BACH2: variants seen among roughly 807,000 people sequenced by gnomAD.
The protein encoded by BACH2 is BACH transcriptional regulator 2.
Under a neutral mutation model 61.8 loss-of-function variants are expected in BACH2, and 5 were observed. The observed-to-expected ratio is 0.08, with a 90% confidence interval of 0.04 to 0.17. BACH2 has a LOEUF of 0.17. Ranked by LOEUF, BACH2 falls within the 10% of genes least tolerant of loss-of-function variation. The pLI, the probability that BACH2 is intolerant of heterozygous loss-of-function variation, is 1.00. For synonymous variants in BACH2, 446 were observed against 440.1 expected (o/e 1.01, Z -0.17); for missense variants, 824 against 1,091.1 (o/e 0.76, Z 3.45).
chr6:90,295,755 T>G (rs1772336536), intron 1 of BACH2, among the ~76,000 whole-genome samples: 1 of 152,000 alleles, frequency 6.6e-6, no homozygotes, highest in Admixed American at 6.5e-5. Context: ...CCTGGCGCCC[T>G]TAGGTCTTAG....
intron 6 of BACH2, among the ~76,000 whole-genome samples, chr6:90,002,707 T>G (rs1419702387): frequency 1.3e-5 from 2 of 151,968 alleles, no homozygotes; most frequent in Non-Finnish European, 2.9e-5. Context: ...GAGGTGGAGG[T>G]GGCAGCGAGC....
Position 90,061,533 on chromosome 6 carries a change from G to T in BACH2, c.-13+27428C>A, listed in dbSNP as rs531071093. Among the ~76,000 whole-genome samples the T allele has an allele frequency of 1.4e-4, 22 of 152,260 alleles. 1 individual carries two copies. Among genetic ancestry groups the T allele is most frequent in the African/African-American group, 5.3e-4 (22 of 41,544 alleles). On this transcript the variant is annotated intron_variant, in intron 5 of 8. Transcript: ENST00000257749. ...GTTGGGTATCTAAGTCTGATATTTA[G>T]GGGAGAGAGCTGGGCTGAAGATATA... is the stretch of plus-strand genomic sequence containing the variant.
At chr6:90,244,155 C>T (rs780801071) in intron 3 of BACH2, among the ~76,000 whole-genome samples, 1 of 152,182 alleles carries the variant, frequency 6.6e-6, no homozygotes, top group Non-Finnish European at 1.5e-5. Flanking sequence ...CTCCTGACCT[C>T]AAGCAATCCG....
intron 3 of BACH2, among the ~76,000 whole-genome samples, chr6:90,231,469 A>G (rs1204900605): frequency 4.6e-5 from 7 of 152,226 alleles, no homozygotes; most frequent in African/African-American, 1.7e-4. Flanking sequence ...CAACATTCAC[A>G]TCCTGTTACC....
At chr6:89,999,258 G>C (rs1414210530) in intron 6 of BACH2, among the ~76,000 whole-genome samples, 1 of 152,178 alleles carries the variant, frequency 6.6e-6, no homozygotes, top group Non-Finnish European at 1.5e-5. Context: ...ACAGCGAACA[G>C]GAAACCTATT....
intron 5 of BACH2, among the ~76,000 whole-genome samples, chr6:90,083,812 C>T (rs184366654): frequency 6.6e-6 from 1 of 152,246 alleles, no homozygotes; most frequent in Non-Finnish European, 1.5e-5. Context: ...AATAGGTATA[C>T]TAAAACCTCA....
rs1271831189 is a variant in BACH2, at chr6:89,954,423, A to G, written c.244-2561T>C. Among the ~76,000 whole-genome samples, 4 of 145,594 alleles carry G rather than the reference A, an allele frequency of 2.7e-5. No individual in the cohort carries two copies. The East Asian group carries it at 8.5e-4, about 31-fold the overall frequency. On this transcript the variant is annotated intron_variant, in intron 6 of 8. Coordinates refer to ENST00000257749, the MANE Select transcript of BACH2 (RefSeq NM_021813.4). ...ATTAACTAGTCATTTAGCATTAGGT[A>G]TATCTCCTAATGCTATCCCTCCCCC...
At chr6:90,005,902 G>A (rs1173753392) in intron 6 of BACH2, among the ~76,000 whole-genome samples, 2 of 152,200 alleles carry the variant, frequency 1.3e-5, no homozygotes, top group East Asian at 3.9e-4. Context: ...TACAGGGGGA[G>A]GAAGAAAGAA....
intron 4 of BACH2, among the ~76,000 whole-genome samples, chr6:90,161,913 G>A (rs747786847): frequency 3.3e-5 from 5 of 152,204 alleles, no homozygotes; most frequent in East Asian, 1.9e-4. Flanking sequence ...TAAAAGAAGC[G>A]GAACCTCTGG....
intron 1 of BACH2, among the ~76,000 whole-genome samples, chr6:90,296,270 G>T (rs1002881591): frequency 6.6e-6 from 1 of 151,792 alleles, no homozygotes; most frequent in Non-Finnish European, 1.5e-5. Flanking sequence ...CGCGGCCGCC[G>T]GCTCGGCTCC....
At chr6:90,162,775 AG>A (rs1384894143) in intron 4 of BACH2, among the ~76,000 whole-genome samples, 1 of 152,236 alleles carries the variant, frequency 6.6e-6, no homozygotes, top group Non-Finnish European at 1.5e-5. Context: ...CCAGGGGTGA[AG>A]GAACTACCCA....
chr6:89,938,554 T>C lies in BACH2; in HGVS notation c.1837-204A>G, dbSNP rs74843343. On this transcript the variant is annotated intron_variant, in intron 7 of 8. Coordinates refer to ENST00000257749, the MANE Select transcript of BACH2 (RefSeq NM_021813.4). ...TAATCAAACAGAATAAGAACACATA[T>C]ATTGCAATGTTATTGTCTCTGAGAT... Among the ~76,000 whole-genome samples, 435 of 152,326 alleles carry C rather than the reference T, an allele frequency of 2.9e-3. 1 individual carries two copies. The highest frequency in any genetic ancestry group is 9.9e-3 in the African/African-American group (413 of 41,576).
chr6:90,176,332 A>G (rs1167200668), intron 4 of BACH2, among the ~76,000 whole-genome samples: 2 of 152,158 alleles, frequency 1.3e-5, no homozygotes, highest in African/African-American at 2.4e-5. Flanking sequence ...AATTTACAGG[A>G]AACAAGAATA....
intron 1 of BACH2, among the ~76,000 whole-genome samples, chr6:90,275,078 G>T (rs574722510): frequency 1.3e-5 from 2 of 152,220 alleles, no homozygotes; most frequent in Admixed American, 6.5e-5. Context: ...AAAGGAAAAG[G>T]CTGGATTTTG....
At chr6:90,131,716 T>C (rs1483655298) in intron 4 of BACH2, among the ~76,000 whole-genome samples, 1 of 152,234 alleles carries the variant, frequency 6.6e-6, no homozygotes, top group African/African-American at 2.4e-5. Context: ...CAATCACATG[T>C]AGCGTGACTC....
At chr6:89,953,352 A>T (rs993919137) in intron 6 of BACH2, among the ~76,000 whole-genome samples, 1 of 152,206 alleles carries the variant, frequency 6.6e-6, no homozygotes, top group African/African-American at 2.4e-5. Flanking sequence ...TCTTTCCAGT[A>T]ACGGAAATTT....
chr6:89,959,099 ACAC>A (rs1774593508), intron 6 of BACH2, among the ~76,000 whole-genome samples: 1 of 13,924 alleles, frequency 7.2e-5, no homozygotes, highest in Non-Finnish European at 1.7e-4. Flanking sequence ...GCACAAGTGC[ACAC>A]ACACACACAC....
intron 2 of BACH2, among the ~76,000 whole-genome samples, chr6:90,264,506 A>T (rs1002527038): frequency 6.6e-6 from 1 of 152,200 alleles, no homozygotes; most frequent in Non-Finnish European, 1.5e-5. Flanking sequence ...AAAGAAAAAA[A>T]TTTTAAAAGA....
intron 6 of BACH2, among the ~76,000 whole-genome samples, chr6:89,955,324 A>G (rs901808621): frequency 6.6e-6 from 1 of 152,244 alleles, no homozygotes; most frequent in African/African-American, 2.4e-5. Context: ...CAAATGATGA[A>G]AAGTTAACTA....
Sources: gnomAD v4.1 joint callset for allele counts (sites outside exome capture counted in the v4.1 genomes callset) on GRCh38, gnomAD v4.1.1 for gene constraint, MANE v1.5 for transcripts, NCBI Gene and HGNC (gene_info 2026-07-23, HGNC 2026-07-21) for gene names.